The following WDPCP variants were observed in gnomAD, a reference collection of about 807,000 sequenced individuals.
WDPCP encodes WD repeat containing planar cell polarity effector.
In WDPCP, 71 loss-of-function variants were observed where a neutral mutation model predicts 93.1. The ratio of observed to expected loss-of-function variants is 0.76; its 90% CI spans 0.63 to 0.93. The LOEUF is 0.93. WDPCP is among the 40% of genes least tolerant of loss of function. The probability of loss-of-function intolerance (pLI) is 0.00; values close to 1 mark genes in which losing one functional copy is unlikely to be tolerated. For synonymous variants in WDPCP, 315 were observed against 315.0 expected, an observed-to-expected ratio of 1.00 and a Z score of 0.00; for missense variants, 844 against 887.4, an observed-to-expected ratio of 0.95 and a Z score of 0.62.
At chr2:63,458,586 G>A (rs1170987818) in intron 6 of WDPCP, among the ~76,000 whole-genome samples, 1 of 152,116 alleles carries the variant, frequency 6.6e-6, no homozygotes, top group Non-Finnish European at 1.5e-5. Flanking sequence ...GAAAGAAACT[G>A]AAGAGGACAC....
rs1228524924 is a variant in WDPCP at position 63,120,698 on chromosome 2, T to G, written c.*1308A>C. 6.6e-6 allele frequency among the ~76,000 whole-genome samples: 1 copy of G among 151,394 alleles called. No homozygotes were observed. Among genetic ancestry groups the G allele is most frequent in the African/African-American group, 2.4e-5 (1 of 41,228 alleles). On this transcript the variant is annotated 3_prime_UTR_variant, in exon 18 of 18. Coordinates refer to ENST00000272321, the MANE Select transcript of WDPCP (RefSeq NM_015910.7). Reference sequence around the variant, plus strand: ...CACGCCACCACGCCCGGCTAATTTTTTTTTTTTTTGTATTTTTAGTAGAGA... The same window carrying G: ...CACGCCACCACGCCCGGCTAATTTTGTTTTTTTTTGTATTTTTAGTAGAGA...
At chr2:63,442,942 G>C (rs1248088245) in intron 6 of WDPCP, 3 of 152,122 alleles carry the variant, frequency 2.0e-5, no homozygotes, top group Non-Finnish European at 2.9e-5. Flanking sequence ...AAGATTCAGA[G>C]GGGTGAGTGT....
chr2:63,524,434 C>A (rs1703168550), intron 1 of WDPCP, among the ~76,000 whole-genome samples: 1 of 152,026 alleles, frequency 6.6e-6, no homozygotes, highest in Non-Finnish European at 1.5e-5. Context: ...AACAGAGAAC[C>A]CAGAAATAAA....
At chr2:63,191,174 C>T (rs1222633152) in intron 14 of WDPCP, among the ~76,000 whole-genome samples, 1 of 152,174 alleles carries the variant, frequency 6.6e-6, no homozygotes, top group African/African-American at 2.4e-5. Flanking sequence ...AGGCGGATCA[C>T]AAGGTCAGGA....
chr2:63,773,885 C>T (rs1670265995), intron 2 of WDPCP, among the ~76,000 whole-genome samples: 2 of 152,042 alleles, frequency 1.3e-5, no homozygotes, highest in African/African-American at 4.8e-5. Flanking sequence ...TCTGAGCACA[C>T]TGGCTATGGG....
intron 1 of WDPCP, among the ~76,000 whole-genome samples, chr2:63,574,544 A>G (rs1285068154): frequency 6.6e-6 from 1 of 152,166 alleles, no homozygotes; most frequent in Non-Finnish European, 1.5e-5. Flanking sequence ...AGATTCATGC[A>G]TTTTATTTTA....
At chr2:63,437,617 T>C in intron 7 of WDPCP, 63 bp from the exon 8 acceptor site, 1 of 1,436,320 alleles carries the variant, frequency 7.0e-7, no homozygotes, top group Non-Finnish European at 9.5e-7. Flanking sequence ...TTTCCACTGA[T>C]ATGTTACAAA....
intron 3 of WDPCP, chr2:63,643,333 T>C: frequency 2.6e-6 from 1 of 391,462 alleles, no homozygotes; most frequent in Admixed American, 3.0e-5. Context: ...GCAGATACCC[T>C]TTCCTCAGGG....
At chr2:63,407,972 G>A (rs1342580373) in intron 9 of WDPCP, among the ~76,000 whole-genome samples, 3 of 152,116 alleles carry the variant, frequency 2.0e-5, no homozygotes, top group African/African-American at 2.4e-5. Flanking sequence ...AACAAGTTAC[G>A]TTCATGATCC....
chr2:63,419,201 G>C (rs942547142), intron 9 of WDPCP, among the ~76,000 whole-genome samples: 3 of 152,202 alleles, frequency 2.0e-5, no homozygotes, highest in African/African-American at 7.2e-5. Context: ...GGGGTGCAGT[G>C]CTGTGATCTT....
At chr2:63,622,077 T>C (rs1315917260) in intron 3 of WDPCP, 3 of 1,043,402 alleles carry the variant, frequency 2.9e-6, no homozygotes, top group Non-Finnish European at 3.9e-6. Flanking sequence ...TTTTTTTTTT[T>C]TTTTTTTGGA....
chr2:63,432,243 A>C (rs1422663859), intron 9 of WDPCP, among the ~76,000 whole-genome samples: 1 of 152,180 alleles, frequency 6.6e-6, no homozygotes, highest in Non-Finnish European at 1.5e-5. Flanking sequence ...TTGTGTGCCA[A>C]GCTCATATTT....
intron 1 of WDPCP, among the ~76,000 whole-genome samples, chr2:63,515,738 C>T (rs1033078663): frequency 6.6e-5 from 10 of 152,094 alleles, no homozygotes; most frequent in African/African-American, 2.4e-4. Context: ...CTATAATCAC[C>T]GCTGGGCACA....
chr2:63,698,157 T>C (rs755147027), intron 2 of WDPCP, among the ~76,000 whole-genome samples: 4 of 152,060 alleles, frequency 2.6e-5, no homozygotes, highest in Admixed American at 6.6e-5. Flanking sequence ...GGTTTCACCA[T>C]GTTGGCCAGG....
upstream of WDPCP, chr2:63,589,016 G>A: frequency 6.2e-7 from 1 of 1,614,230 alleles, no homozygotes; most frequent in Non-Finnish European, 8.5e-7. Context: ...TTTTGCAGTT[G>A]TTGAAATTGT....
intron 12 of WDPCP, among the ~76,000 whole-genome samples, chr2:63,375,621 T>G (rs1476777971): frequency 1.3e-5 from 2 of 151,924 alleles, no homozygotes; most frequent in Non-Finnish European, 2.9e-5. Flanking sequence ...TTTTTTATAT[T>G]TGTTAAAGAC....
intron 17 of WDPCP, among the ~76,000 whole-genome samples, chr2:63,136,774 A>C (rs935120565): frequency 6.6e-6 from 1 of 152,074 alleles, no homozygotes; most frequent in African/African-American, 2.4e-5. Flanking sequence ...ATGTGTTCTC[A>C]TCATTTAGCT....
chr2:63,122,094 T>C (rs899241288), intron 17 of WDPCP, 38 bp from the exon 18 acceptor site: 1 of 1,479,422 alleles, frequency 6.8e-7, no homozygotes, highest in Admixed American at 1.7e-5. Flanking sequence ...TTAAGCAGAG[T>C]AAAAAGTAAT....
At chr2:63,809,177 T>A (rs997747672) in intron 2 of WDPCP, among the ~76,000 whole-genome samples, 8 of 150,046 alleles carry the variant, frequency 5.3e-5, no homozygotes, top group Admixed American at 2.0e-4. Context: ...GAGGAGCGTC[T>A]CCGCCCGGCA....
Sources: gnomAD v4.1 joint callset for allele counts (sites outside exome capture counted in the v4.1 genomes callset) on GRCh38, gnomAD v4.1.1 for gene constraint, MANE v1.5 for transcripts, NCBI Gene and HGNC (gene_info 2026-07-23, HGNC 2026-07-21) for gene names.